The following EPHA5 variants were observed in gnomAD, a reference collection of about 807,000 sequenced individuals.
The protein encoded by EPHA5 is EPH receptor A5.
A neutral mutation model predicts 105.0 loss-of-function variants in EPHA5; 60 were observed. That is an observed-to-expected ratio of 0.57 (90% CI 0.46 to 0.71). EPHA5 has a LOEUF of 0.71. EPHA5 is among the 30% of genes least tolerant of loss of function. The probability of loss-of-function intolerance (pLI) is 0.00; values close to 1 mark genes in which losing one functional copy is unlikely to be tolerated. For missense variants in EPHA5, 1,218 were observed against 1,274.7 expected (o/e 0.96, Z 0.68); for synonymous variants, 513 against 449.1 (o/e 1.14, Z -1.80).
chr4:65,328,040 A>G (rs913446223), intron 16 of EPHA5, among the ~76,000 whole-genome samples: 6 of 151,168 alleles, frequency 4.0e-5, no homozygotes, highest in Non-Finnish European at 7.4e-5. Flanking sequence ...TCATTTTTCT[A>G]AGTAGAAAAT....
chr4:65,337,949 C>T (rs1385065002), intron 14 of EPHA5, among the ~76,000 whole-genome samples: 1 of 151,954 alleles, frequency 6.6e-6, no homozygotes, highest in Non-Finnish European at 1.5e-5. Flanking sequence ...AGCCTACTAC[C>T]TTAATTAATT....
At chr4:65,418,247 C>A (rs375790427) in intron 6 of EPHA5, among the ~76,000 whole-genome samples, 2 of 152,070 alleles carry the variant, frequency 1.3e-5, no homozygotes, top group South Asian at 2.1e-4. Context: ...AGCTTTGCAT[C>A]AGTATAGAGT....
intron 1 of EPHA5, among the ~76,000 whole-genome samples, chr4:65,668,282 C>T (rs932747163): frequency 3.9e-4 from 59 of 152,222 alleles, no homozygotes; most frequent in African/African-American, 1.4e-3. Flanking sequence ...ATGCAAGTCA[C>T]GAGGACACAC....
intron 2 of EPHA5, among the ~76,000 whole-genome samples, chr4:65,609,043 C>T (rs952964241): frequency 6.6e-6 from 1 of 152,090 alleles, no homozygotes; most frequent in African/African-American, 2.4e-5. Context: ...CCTCCTTGTT[C>T]ACTTTCCTTA....
At chr4:65,582,544 C>A (rs1001731968) in intron 3 of EPHA5, among the ~76,000 whole-genome samples, 12 of 147,864 alleles carry the variant, frequency 8.1e-5, no homozygotes, top group Non-Finnish European at 3.0e-5. Context: ...GGCAAATTAT[C>A]AAAAAAAAAT....
intron 3 of EPHA5, among the ~76,000 whole-genome samples, chr4:65,595,644 G>T (rs28663440): frequency 0.062 from 9,206 of 149,682 alleles, 386 homozygotes; most frequent in Admixed American, 0.11. Flanking sequence ...GCAGTGGCGC[G>T]ATCTCCACTC....
At chr4:65,519,467 C>T (rs1004315021) in intron 3 of EPHA5, among the ~76,000 whole-genome samples, 4 of 152,076 alleles carry the variant, frequency 2.6e-5, no homozygotes, top group African/African-American at 9.7e-5. Context: ...AAAACTGGCA[C>T]AAGACAGGGA....
intron 3 of EPHA5, among the ~76,000 whole-genome samples, chr4:65,568,402 A>C (rs1055655351): frequency 3.3e-5 from 5 of 151,522 alleles, no homozygotes; most frequent in African/African-American, 1.2e-4. Context: ...GTGATATAAA[A>C]AAATTAGATT....
chr4:65,547,246 G>T (rs1342203450), intron 3 of EPHA5, among the ~76,000 whole-genome samples: 1 of 149,860 alleles, frequency 6.7e-6, no homozygotes, highest in Non-Finnish European at 1.5e-5. Flanking sequence ...CCTGCTACCT[G>T]CAGTTGCCTA....
intron 3 of EPHA5, among the ~76,000 whole-genome samples, chr4:65,549,527 A>G (rs940066620): frequency 1.6e-4 from 22 of 139,574 alleles, no homozygotes; most frequent in Admixed American, 7.7e-5. Flanking sequence ...GGAAAGAGTT[A>G]CTGGTATCAA....
intron 2 of EPHA5, among the ~76,000 whole-genome samples, chr4:65,636,407 G>A (rs1302322962): frequency 6.6e-6 from 1 of 152,078 alleles, no homozygotes; most frequent in Non-Finnish European, 1.5e-5. Flanking sequence ...ATTTAGAGTA[G>A]CTCATGTCTG....
At chr4:65,576,355 A>C (rs1014386419) in intron 3 of EPHA5, among the ~76,000 whole-genome samples, 4 of 152,192 alleles carry the variant, frequency 2.6e-5, no homozygotes. Context: ...GGAATGTGCA[A>C]ATATCGTTCA....
intron 5 of EPHA5, among the ~76,000 whole-genome samples, chr4:65,465,467 A>AAAGAAAG (rs1553920682): frequency 1.3e-5 from 1 of 75,022 alleles, no homozygotes; most frequent in African/African-American, 6.1e-5. Context: ...AAAAGAAAGA[A>AAAGAAAG]AAAGAAAGAA....
rs1292335692 is a variant in EPHA5, at chr4:65,574,613, CAT to C, written c.910+27026_910+27027del. 7.2e-3 allele frequency among the ~76,000 whole-genome samples: 780 copies of C among 108,348 alleles called. 24 individuals carry two copies. The highest frequency in any genetic ancestry group is 0.022 in the African/African-American group (637 of 28,516). The allele number at this position is 108,348 out of a possible 152,430, so 71.1% of individuals were successfully genotyped here. On this transcript the variant is annotated intron_variant, in intron 3 of 16. Coordinates refer to ENST00000613740, the MANE Select transcript of EPHA5 (RefSeq NM_001281766.3). ...CTATATATTGCTGTATATATATATA[CAT>C]ATATATATATACACATATATATATA...
chr4:65,476,099 T>TGAGAGAGAGAGAGA (rs35934629), intron 5 of EPHA5, among the ~76,000 whole-genome samples: 1 of 138,144 alleles, frequency 7.2e-6, no homozygotes, highest in African/African-American at 2.8e-5. Flanking sequence ...TCAAAATCAC[T>TGAGAGAGAGAGAGA]GAGAGAGAGA....
In EPHA5 at chr4:65,428,674, G is replaced by T. The variant is rs184806744; in HGVS notation, c.1403-8109C>A. Among the ~76,000 whole-genome samples, 267 of 152,138 alleles carry T rather than the reference G, an allele frequency of 1.8e-3. 1 individual carries two copies. The highest frequency in any genetic ancestry group is 2.9e-3 in the Non-Finnish European group (197 of 67,930). ...AAACTAAAATGCACCATTCAGTATA[G>T]TTTGGTTTTTTTCAAAGACTTGAAA... On this transcript the variant is annotated intron_variant, in intron 5 of 16. Transcript: ENST00000613740.
At chr4:65,573,808 C>T in intron 3 of EPHA5, 1 of 1,613,814 alleles carries the variant, frequency 6.2e-7, no homozygotes, top group South Asian at 1.1e-5. Context: ...AGATATTATC[C>T]TACTGAAGAT....
intron 3 of EPHA5, among the ~76,000 whole-genome samples, chr4:65,566,337 A>G (rs1202843965): frequency 6.6e-6 from 1 of 151,740 alleles, no homozygotes; most frequent in Admixed American, 6.6e-5. Context: ...GAACCACTTA[A>G]TATTCTTCAT....
chr4:65,664,528 A>T (rs1053488487), intron 1 of EPHA5, among the ~76,000 whole-genome samples: 3 of 151,956 alleles, frequency 2.0e-5, no homozygotes, highest in Non-Finnish European at 4.4e-5. Flanking sequence ...CAATTACACA[A>T]GGATAGAACA....
Sources: allele counts gnomAD v4.1 joint callset (sites outside exome capture counted in the v4.1 genomes callset), GRCh38; gene constraint gnomAD v4.1.1; transcripts MANE v1.5; gene names NCBI Gene and HGNC (gene_info 2026-07-23, HGNC 2026-07-21).